Variants in GLB1L2 observed in about 807,000 individuals in gnomAD.
GLB1L2 encodes the protein galactosidase beta 1 like 2.
GLB1L2 carries 68 observed loss-of-function variants against 84.1 expected under a neutral mutation model. The ratio of observed to expected loss-of-function variants is 0.81; its 90% confidence interval spans 0.67 to 0.99. GLB1L2 has a LOEUF of 0.99. Ranked by LOEUF, GLB1L2 falls within the 50% of genes least tolerant of loss-of-function variation. The pLI, the probability that GLB1L2 is intolerant of heterozygous loss-of-function variation, is 0.00. For synonymous variants in GLB1L2, 290 were observed against 318.0 expected (o/e 0.91, Z 0.94); for missense variants, 762 against 805.6 (o/e 0.95, Z 0.66).
intron 5 of GLB1L2, among the ~76,000 whole-genome samples, chr11:134,349,094 T>C (rs1168683224): frequency 6.6e-6 from 1 of 152,224 alleles, no homozygotes; most frequent in African/African-American, 2.4e-5. Flanking sequence ...GTAAACTCTG[T>C]GCCGTTAAAC....
In GLB1L2 at chr11:134,337,140, G is replaced by A. The variant is rs57022733; in HGVS notation, c.86+4993G>A. 3.0e-4 allele frequency among the ~76,000 whole-genome samples: 46 copies of A among 152,248 alleles called. 1 individual carries two copies. The highest frequency in any genetic ancestry group is 9.4e-4 in the African/African-American group (39 of 41,548). On this transcript the variant is annotated intron_variant, in intron 1 of 18. Transcript: ENST00000535456. ...TCTCTGAACCACCAATATTGCTTCC[G>A]GGTCAGAGCCTGGATGTGAGGCCAG...
intron 5 of GLB1L2, among the ~76,000 whole-genome samples, chr11:134,354,190 C>CT (rs1276674065): frequency 6.6e-6 from 1 of 151,718 alleles, no homozygotes; most frequent in African/African-American, 2.4e-5. Context: ...TTCCCTTTAC[C>CT]TTGGGATAAG....
intron 6 of GLB1L2, among the ~76,000 whole-genome samples, chr11:134,358,557 C>A (rs144500301): frequency 1.3e-5 from 2 of 152,270 alleles, no homozygotes; most frequent in African/African-American, 4.8e-5. Context: ...ACCGTGGGCA[C>A]GTGACAGGGC....
At chr11:134,342,295 G>T (rs912828166) in intron 1 of GLB1L2, among the ~76,000 whole-genome samples, 4 of 152,190 alleles carry the variant, frequency 2.6e-5, no homozygotes, top group Admixed American at 6.5e-5. Context: ...ATGGGTGGAC[G>T]CCGCCAACGC....
chr11:134,347,063 A>G (rs1247111740), intron 4 of GLB1L2: 3 of 449,600 alleles, frequency 6.7e-6, no homozygotes, highest in Non-Finnish European at 1.2e-5. Context: ...CACTGCTGGC[A>G]GCCAGGCCCT....
At chr11:134,365,548 C>G (rs1337621971) in intron 8 of GLB1L2, among the ~76,000 whole-genome samples, 5 of 152,200 alleles carry the variant, frequency 3.3e-5, no homozygotes, top group Admixed American at 3.3e-4. Context: ...CTTATGGTGT[C>G]AACTCACAGG....
chr11:134,345,556 C>T (rs1457757239), intron 4 of GLB1L2, among the ~76,000 whole-genome samples: 10 of 152,308 alleles, frequency 6.6e-5, no homozygotes, highest in South Asian at 2.1e-4. Flanking sequence ...CTGCAACCTC[C>T]GCCTCCCGGG....
chr11:134,345,858 T>C (rs1591613250), intron 4 of GLB1L2, among the ~76,000 whole-genome samples: 1 of 152,220 alleles, frequency 6.6e-6, no homozygotes, highest in African/African-American at 2.4e-5. Context: ...ATTCTTGTTA[T>C]GGTTTTGTCT....
At chr11:134,337,808 T>C (rs1943408813) in intron 1 of GLB1L2, among the ~76,000 whole-genome samples, 1 of 152,148 alleles carries the variant, frequency 6.6e-6, no homozygotes, top group Non-Finnish European at 1.5e-5. Context: ...GTGAGTGTTT[T>C]CTTGGTCAGG....
chr11:134,347,271 C>T lies in GLB1L2; in HGVS notation c.450-54C>T, dbSNP rs995122738. The T allele has an allele frequency of 2.4e-5, 33 of 1,389,512 alleles. No homozygotes were observed. The Admixed American group carries it at 3.9e-4, about 16-fold the overall frequency. The allele number at this position is 1,389,512 out of a possible 1,614,324, so 86.1% of individuals were successfully genotyped here. ...TTCTCACGCATCAACAGCCTGCTCA[C>T]AGCAAACCCACTGTGACACTAACAT... On this transcript the variant is annotated intron_variant, in intron 4 of 18. Transcript: ENST00000535456.
At chr11:134,355,980 A>G (rs1038581336) in intron 5 of GLB1L2, 2 of 502,974 alleles carry the variant, frequency 4.0e-6, no homozygotes. Context: ...TGGGGCAAGA[A>G]CTTGTGAAAA....
chr11:134,360,474 G>C (rs1045453371), intron 7 of GLB1L2: 3 of 152,194 alleles, frequency 2.0e-5, no homozygotes, highest in African/African-American at 4.8e-5. Flanking sequence ...GCCTGCTCCG[G>C]GCTCCGCAGG....
intron 5 of GLB1L2, among the ~76,000 whole-genome samples, chr11:134,351,755 T>C (rs920551928): frequency 6.6e-6 from 1 of 152,140 alleles, no homozygotes; most frequent in African/African-American, 2.4e-5. Flanking sequence ...TTGGCTAACA[T>C]GTTGTTGAGG....
chr11:134,367,221 A>G, intron 8 of GLB1L2, 36 bp from the exon 9 acceptor site: 3 of 1,571,970 alleles, frequency 1.9e-6, no homozygotes, highest in Non-Finnish European at 2.6e-6. Flanking sequence ...TTGTCTGGCC[A>G]GCCTGCTTGT....
intron 5 of GLB1L2, 111 bp from the exon 6 acceptor site, chr11:134,356,190 T>G (rs1943698873): frequency 2.4e-6 from 2 of 817,216 alleles, no homozygotes; most frequent in Admixed American, 3.7e-5. Flanking sequence ...TCTTTTGAGA[T>G]TTTAGTTTTC....
At chr11:134,336,449 A>G (rs552550207) in intron 1 of GLB1L2, among the ~76,000 whole-genome samples, 2 of 152,202 alleles carry the variant, frequency 1.3e-5, no homozygotes, top group Admixed American at 6.5e-5. Context: ...CCACTTGTCC[A>G]TTAGACACAT....
chr11:134,355,511 C>T (rs941007045), intron 5 of GLB1L2, among the ~76,000 whole-genome samples: 1 of 152,208 alleles, frequency 6.6e-6, no homozygotes, highest in Non-Finnish European at 1.5e-5. Flanking sequence ...ATCAGCCCAA[C>T]ATGAAGACTT....
intron 14 of GLB1L2, 68 bp downstream of exon 14, chr11:134,371,560 C>T: frequency 1.8e-6 from 2 of 1,109,168 alleles, no homozygotes; most frequent in South Asian, 2.5e-5. Context: ...GGGGCAGTCA[C>T]TGAGGAAAAC....
intron 6 of GLB1L2, 125 bp from the exon 7 acceptor site, chr11:134,358,935 A>AG: frequency 3.1e-6 from 2 of 653,832 alleles, no homozygotes; most frequent in Non-Finnish European, 5.2e-6. Context: ...TTTTTGGCAG[A>AG]GAAATAAACG....
Sources: gnomAD v4.1 joint callset for allele counts (sites outside exome capture counted in the v4.1 genomes callset) on GRCh38, gnomAD v4.1.1 for gene constraint, MANE v1.5 for transcripts, NCBI Gene and HGNC (gene_info 2026-07-23, HGNC 2026-07-21) for gene names.